Variants in RNF150 observed in about 807,000 individuals in gnomAD.
RNF150 encodes ring finger protein 150.
A neutral mutation model predicts 39.3 loss-of-function variants in RNF150; 24 were observed. The observed-to-expected ratio is 0.61, with a 90% confidence interval of 0.44 to 0.86. The LOEUF (loss-of-function observed/expected upper bound fraction) is 0.86, where lower values mean the gene tolerates loss of function less well. Among genes scored for constraint, RNF150 ranks in the 40% least tolerant of loss-of-function variants. The pLI is 0.00. For missense variants in RNF150, 502 were observed against 587.8 expected (o/e 0.85, Z 1.51); for synonymous variants, 255 against 227.3 (o/e 1.12, Z -1.10).
intron 1 of RNF150, among the ~76,000 whole-genome samples, chr4:141,176,717 C>A (rs1043785000): frequency 2.0e-5 from 3 of 152,174 alleles, no homozygotes; most frequent in Non-Finnish European, 2.9e-5. Flanking sequence ...GCTGCTTAGT[C>A]TTTCAAGTTT....
chr4:140,894,662 C>A (rs962842722), intron 6 of RNF150, among the ~76,000 whole-genome samples: 6 of 152,318 alleles, frequency 3.9e-5, no homozygotes, highest in Middle Eastern at 3.4e-3. Flanking sequence ...AATCAATGCA[C>A]ATTTTGAACT....
intron 1 of RNF150, among the ~76,000 whole-genome samples, chr4:141,178,765 G>A (rs139142468): frequency 2.0e-5 from 3 of 152,010 alleles, no homozygotes; most frequent in Admixed American, 6.6e-5. Flanking sequence ...TTAATGTCAA[G>A]TTCAATATTG....
chr4:141,003,596 C>T (rs1276020798), intron 1 of RNF150, among the ~76,000 whole-genome samples: 2 of 151,816 alleles, frequency 1.3e-5, no homozygotes, highest in African/African-American at 4.8e-5. Flanking sequence ...CACACACACA[C>T]ACACACACAC....
At chr4:141,145,844 G>A (rs1305353875) in intron 1 of RNF150, among the ~76,000 whole-genome samples, 1 of 152,128 alleles carries the variant, frequency 6.6e-6, no homozygotes, top group Non-Finnish European at 1.5e-5. Flanking sequence ...TATGGTTCAG[G>A]TTCCCCACTT....
intron 6 of RNF150, among the ~76,000 whole-genome samples, chr4:140,874,807 A>T (rs1729085496): frequency 6.6e-6 from 1 of 152,198 alleles, no homozygotes; most frequent in African/African-American, 2.4e-5. Flanking sequence ...CTCCTGCCTC[A>T]GTCTGTTGAG....
At position 141,077,485 on chromosome 4, in the gene RNF150, T is replaced by A. The variant is rs930823613; in HGVS notation, c.484+54840A>T. On this transcript the variant is annotated intron_variant, in intron 1 of 6. Coordinates refer to ENST00000515673, the MANE Select transcript of RNF150 (RefSeq NM_020724.2). ...TTGTGATGGTGCTATGTAACTCTTA[T>A]GAAAACTCATCGGCCTGTACAAAAA... 3.3e-5 allele frequency among the ~76,000 whole-genome samples: 5 copies of A among 152,292 alleles called. No individual in the cohort carries two copies. In the East Asian group the frequency reaches 7.7e-4, roughly 24 times the overall value.
chr4:141,091,932 T>C (rs1458480459), intron 1 of RNF150, among the ~76,000 whole-genome samples: 1 of 152,042 alleles, frequency 6.6e-6, no homozygotes, highest in African/African-American at 2.4e-5. Context: ...CAAACAGAGA[T>C]ACACAACAAA....
At chr4:140,954,887 T>C (rs1732691321) in intron 2 of RNF150, among the ~76,000 whole-genome samples, 1 of 152,204 alleles carries the variant, frequency 6.6e-6, no homozygotes, top group African/African-American at 2.4e-5. Context: ...GCATCAAAAC[T>C]GAGTTTATTT....
intron 1 of RNF150, among the ~76,000 whole-genome samples, chr4:141,173,023 T>C (rs1380486818): frequency 6.6e-6 from 1 of 151,522 alleles, no homozygotes; most frequent in Non-Finnish European, 1.5e-5. Flanking sequence ...TGAAACTCCG[T>C]CTTAAAAAAA....
At chr4:140,989,679 T>G (rs996090220) in intron 1 of RNF150, among the ~76,000 whole-genome samples, 5 of 152,042 alleles carry the variant, frequency 3.3e-5, no homozygotes, top group Non-Finnish European at 7.4e-5. Context: ...TGGGCATTTA[T>G]CCGGTAGTAT....
intron 1 of RNF150, among the ~76,000 whole-genome samples, chr4:140,988,860 G>C (rs934890753): frequency 6.6e-6 from 1 of 152,146 alleles, no homozygotes; most frequent in African/African-American, 2.4e-5. Context: ...GTAGGGACAT[G>C]GATGAAGCTG....
chr4:140,870,167 G>T lies in RNF150; in HGVS notation c.1199-1788C>A, dbSNP rs544679250. On this transcript the variant is annotated intron_variant, in intron 6 of 6. Transcript: ENST00000515673. ...GAAAAATCAGTTTTATAGAAATGGG[G>T]TATTTCACAGGGAAATATCCAACCT... 2.6e-5 allele frequency among the ~76,000 whole-genome samples: 4 copies of T among 152,208 alleles called. No individual in the cohort carries two copies. The South Asian group carries it at 8.3e-4, about 32-fold the overall frequency.
intron 1 of RNF150, among the ~76,000 whole-genome samples, chr4:141,059,120 C>T (rs550282974): frequency 5.3e-5 from 8 of 152,304 alleles, no homozygotes; most frequent in African/African-American, 1.9e-4. Context: ...TCTGCTCTCT[C>T]TACTTTACAT....
chr4:140,906,505 A>G (rs7685273), intron 6 of RNF150, among the ~76,000 whole-genome samples: 4,211 of 152,300 alleles, frequency 0.028, 96 homozygotes, highest in Admixed American at 0.072. Flanking sequence ...AGGGGGTATC[A>G]TGGAACAAAT....
At chr4:141,114,248 T>C (rs899762745) in intron 1 of RNF150, among the ~76,000 whole-genome samples, 1 of 151,898 alleles carries the variant, frequency 6.6e-6, no homozygotes, top group African/African-American at 2.4e-5. Flanking sequence ...ATTAACAAAG[T>C]AGATAGACCA....
At chr4:141,052,975 C>CT (rs1374564359) in intron 1 of RNF150, among the ~76,000 whole-genome samples, 1 of 152,122 alleles carries the variant, frequency 6.6e-6, no homozygotes, top group East Asian at 1.9e-4. Context: ...ACATGGCTTG[C>CT]TTAGCCTCTC....
intron 4 of RNF150, among the ~76,000 whole-genome samples, chr4:140,943,817 T>A (rs1172499068): frequency 6.6e-6 from 1 of 152,176 alleles, no homozygotes; most frequent in African/African-American, 2.4e-5. Context: ...GGGTTTACAT[T>A]TTTCCTTAGT....
intron 4 of RNF150, among the ~76,000 whole-genome samples, chr4:140,930,985 G>T (rs1329514244): frequency 6.6e-6 from 1 of 151,844 alleles, no homozygotes; most frequent in African/African-American, 2.4e-5. Flanking sequence ...GGCTACCTTA[G>T]CTCTGTAAGA....
chr4:140,970,447 C>T (rs960590029), intron 1 of RNF150, among the ~76,000 whole-genome samples: 4 of 150,930 alleles, frequency 2.7e-5, no homozygotes, highest in Non-Finnish European at 5.9e-5. Flanking sequence ...ATCTGGTAGC[C>T]TAACTCTTCC....
Sources: gnomAD v4.1 joint callset for allele counts (sites outside exome capture counted in the v4.1 genomes callset) on GRCh38, gnomAD v4.1.1 for gene constraint, MANE v1.5 for transcripts, NCBI Gene and HGNC (gene_info 2026-07-23, HGNC 2026-07-21) for gene names.